Variants in CLEC16A observed in about 807,000 individuals in gnomAD.
CLEC16A encodes the protein C-type lectin domain containing 16A.
Under a neutral mutation model 109.5 loss-of-function variants are expected in CLEC16A, and 51 were observed. The observed-to-expected ratio is 0.47, with a 90% CI of 0.37 to 0.59. The LOEUF is 0.59. Among genes scored for constraint, CLEC16A ranks in the 20% least tolerant of loss-of-function variants. CLEC16A has a pLI of 0.00. For synonymous variants in CLEC16A, 673 were observed against 564.2 expected, an observed-to-expected ratio of 1.19 and a Z score of -2.73; for missense variants, 1,339 against 1,394.0, an observed-to-expected ratio of 0.96 and a Z score of 0.63.
chr16:10,950,990 C>T (rs1202278535), intron 1 of CLEC16A, among the ~76,000 whole-genome samples: 1 of 152,176 alleles, frequency 6.6e-6, no homozygotes, highest in Admixed American at 6.5e-5. Flanking sequence ...TGAACTTGGA[C>T]CTAGTATTCC....
At chr16:11,003,792 T>C (rs988066632) in intron 11 of CLEC16A, among the ~76,000 whole-genome samples, 13 of 152,250 alleles carry the variant, frequency 8.5e-5, no homozygotes, top group African/African-American at 2.4e-4. Flanking sequence ...GGGTTATGAT[T>C]TGCATCCTGT....
At chr16:11,078,759 G>C (rs1239710063) in intron 19 of CLEC16A, among the ~76,000 whole-genome samples, 2 of 152,182 alleles carry the variant, frequency 1.3e-5, no homozygotes, top group Admixed American at 6.5e-5. Context: ...ACTTTGAGGG[G>C]CGCTCAAGGG....
At chr16:11,061,056 T>G (rs759186710) in intron 19 of CLEC16A, 34 bp downstream of exon 19, 2 of 1,572,932 alleles carry the variant, frequency 1.3e-6, no homozygotes, top group Non-Finnish European at 1.7e-6. Context: ...AGCAGGGGGC[T>G]GGGGGACATG....
chr16:11,176,597 G>A (rs1188829745), intron 23 of CLEC16A, among the ~76,000 whole-genome samples: 3 of 152,162 alleles, frequency 2.0e-5, no homozygotes, highest in African/African-American at 7.2e-5. Context: ...AATTAGCCAG[G>A]TGTGGTGACA....
intron 19 of CLEC16A, among the ~76,000 whole-genome samples, chr16:11,107,877 C>T (rs2051320107): frequency 6.6e-6 from 1 of 152,216 alleles, no homozygotes; most frequent in African/African-American, 2.4e-5. Flanking sequence ...CACTGTCCTC[C>T]TGGGCTGTTG....
Position 11,173,194 on chromosome 16 carries a change from T to C in CLEC16A, c.2807-5141T>C, listed in dbSNP as rs112076828. ...AAGGACAGAAACCCCAAGTAAGATA[T>C]CGTCCCTTTTCTCAGTTTTCTCTGT... On this transcript the variant is annotated intron_variant, in intron 23 of 23. Coordinates refer to ENST00000409790, the MANE Select transcript of CLEC16A (RefSeq NM_015226.3). Among the ~76,000 whole-genome samples the C allele has an allele frequency of 8.1e-3, 1,231 of 152,274 alleles. 19 individuals are homozygous for C. The highest frequency in any genetic ancestry group is 0.028 in the African/African-American group (1,162 of 41,540).
chr16:10,962,741 T>C (rs566042841), intron 3 of CLEC16A, among the ~76,000 whole-genome samples, 153 bp downstream of exon 3: 2 of 152,270 alleles, frequency 1.3e-5, no homozygotes, highest in Admixed American at 1.3e-4. Flanking sequence ...TAGAGATTTG[T>C]TTTCTCACTG....
intron 13 of CLEC16A, among the ~76,000 whole-genome samples, chr16:11,036,683 G>A (rs2047043292): frequency 6.6e-6 from 1 of 151,650 alleles, no homozygotes; most frequent in Admixed American, 6.6e-5. Context: ...TCAAGTAGCT[G>A]GTACTACAGG....
intron 22 of CLEC16A, among the ~76,000 whole-genome samples, chr16:11,149,001 C>A (rs794426): frequency 0.7 from 106,271 of 152,120 alleles, 38,507 homozygotes; most frequent in African/African-American, 0.89. Context: ...GAAAGGGATA[C>A]AAGTTCAATA....
chr16:11,009,638 T>G (rs1242215851), intron 11 of CLEC16A, among the ~76,000 whole-genome samples: 2 of 152,122 alleles, frequency 1.3e-5, no homozygotes, highest in African/African-American at 4.8e-5. Flanking sequence ...GTGTTGGACA[T>G]GACGGGCCAT....
chr16:11,137,686 G>A (rs989541565), intron 22 of CLEC16A, among the ~76,000 whole-genome samples: 1 of 151,602 alleles, frequency 6.6e-6, no homozygotes, highest in Admixed American at 6.6e-5. Flanking sequence ...GTGTGTGCCT[G>A]TAGTCCCAGC....
In CLEC16A at chr16:11,178,718, T is replaced by G; in HGVS notation, c.*28T>G. ...CAGTGCCGGGGCCTCCCTTTGTGTG[T>G]GTGGCCCCGCTGGTAGGGACCCCAG... On this transcript the variant is annotated 3_prime_UTR_variant, in exon 24 of 24. Transcript: ENST00000409790. The surrounding 1 kb of genome is among the most constrained non-coding windows in gnomAD (Gnocchi z 6.5). 7.0e-7 allele frequency: 1 copy of G among 1,428,124 alleles called. No individual in the cohort carries two copies. The highest frequency in any genetic ancestry group is 2.5e-5 in the East Asian group (1 of 39,800). 88.5% of individuals were successfully genotyped at this position (1,428,124 alleles called of 1,614,324 possible).
At chr16:11,156,385 A>G (rs1345360373) in intron 22 of CLEC16A, among the ~76,000 whole-genome samples, 1 of 151,298 alleles carries the variant, frequency 6.6e-6, no homozygotes, top group East Asian at 1.9e-4. Flanking sequence ...AAAAAAAAAA[A>G]AACACAACTA....
chr16:10,966,455 G>A (rs1024990656), intron 3 of CLEC16A, among the ~76,000 whole-genome samples: 3 of 152,210 alleles, frequency 2.0e-5, no homozygotes, highest in African/African-American at 7.2e-5. Flanking sequence ...AGCTGGGAAT[G>A]TCAGATTTGG....
At chr16:11,121,547 G>A (rs28666972) in intron 20 of CLEC16A, among the ~76,000 whole-genome samples, 49,361 of 151,842 alleles carry the variant, frequency 0.33, 8,147 homozygotes, top group African/African-American at 0.37. Context: ...CTGGGGCTTG[G>A]GTTTTGGGGA....
At chr16:11,042,552 G>A (rs1047020563) in intron 15 of CLEC16A, among the ~76,000 whole-genome samples, 189 bp downstream of exon 15, 3 of 152,206 alleles carry the variant, frequency 2.0e-5, no homozygotes, top group Non-Finnish European at 4.4e-5. Flanking sequence ...CCTTTCAGCC[G>A]AGACTCGCTG....
intron 22 of CLEC16A, among the ~76,000 whole-genome samples, chr16:11,148,861 C>T (rs2054178503): frequency 6.6e-6 from 1 of 152,126 alleles, no homozygotes. Context: ...TCAGCTCAGG[C>T]CCAGAAGAGC....
At chr16:11,053,808 T>C (rs1263239327) in intron 18 of CLEC16A, among the ~76,000 whole-genome samples, 2 of 152,208 alleles carry the variant, frequency 1.3e-5, no homozygotes, top group African/African-American at 4.8e-5. Context: ...GATCCACTGC[T>C]TCCCACACTG....
Position 11,160,014 on chromosome 16 carries a change from A to C in CLEC16A, c.2642-6374A>C, listed in dbSNP as rs141592498. On this transcript the variant is annotated intron_variant, in intron 22 of 23. Transcript: ENST00000409790. Reference sequence around the variant, plus strand: ...TTTTGAGTTGAGTGGAGAATCCCCAAATTGAATTCAGAGCCAACTGGGTTC... The same window carrying C: ...TTTTGAGTTGAGTGGAGAATCCCCACATTGAATTCAGAGCCAACTGGGTTC... Among the ~76,000 whole-genome samples, 247 of 152,242 alleles carry C rather than the reference A, an allele frequency of 1.6e-3. 1 individual carries two copies. Among genetic ancestry groups the C allele is most frequent in the African/African-American group, 5.3e-3 (220 of 41,544 alleles).
Sources: gnomAD v4.1 joint callset for allele counts (sites outside exome capture counted in the v4.1 genomes callset) on GRCh38, gnomAD v4.1.1 for gene constraint, Gnocchi (gnomAD v3.1) non-coding constraint, MANE v1.5 for transcripts, NCBI Gene and HGNC (gene_info 2026-07-23, HGNC 2026-07-21) for gene names.